Variants in HPSE2 observed in about 807,000 individuals in gnomAD.
HPSE2 encodes the protein inactive heparanase-2.
Under a neutral mutation model 60.5 loss-of-function variants are expected in HPSE2, and 38 were observed. The ratio of observed to expected loss-of-function variants is 0.63; its 90% CI spans 0.48 to 0.82. HPSE2 has a LOEUF of 0.82. Ranked by LOEUF, HPSE2 falls within the 40% of genes least tolerant of loss-of-function variation. HPSE2 has a pLI of 0.00. For missense variants in HPSE2, 713 were observed against 740.4 expected (o/e 0.96, Z 0.43); for synonymous variants, 295 against 293.2 (o/e 1.01, Z -0.06).
At chr10:99,114,350 T>G (rs745950368) in intron 3 of HPSE2, among the ~76,000 whole-genome samples, 1 of 152,252 alleles carries the variant, frequency 6.6e-6, no homozygotes, top group South Asian at 2.1e-4. Flanking sequence ...AGTTTTGATG[T>G]GATGTCATCA....
At chr10:98,477,641 C>T (rs1564906148) in intron 11 of HPSE2, among the ~76,000 whole-genome samples, 1 of 152,168 alleles carries the variant, frequency 6.6e-6, no homozygotes, top group South Asian at 2.1e-4. Context: ...AAAGGTAAGT[C>T]CTTTCGATTT....
chr10:98,965,364 A>G (rs546429300), intron 3 of HPSE2, among the ~76,000 whole-genome samples: 1 of 152,176 alleles, frequency 6.6e-6, no homozygotes, highest in African/African-American at 2.4e-5. Context: ...GTGTGATCTT[A>G]TGAATGTCAA....
chr10:99,169,271 C>T (rs1485079254), intron 2 of HPSE2, among the ~76,000 whole-genome samples: 3 of 149,662 alleles, frequency 2.0e-5, no homozygotes, highest in African/African-American at 4.9e-5. Context: ...TTTAGGAGAC[C>T]GAGGCAGGCG....
intron 6 of HPSE2, among the ~76,000 whole-genome samples, chr10:98,673,409 G>A (rs1231413549): frequency 6.6e-6 from 1 of 152,184 alleles, no homozygotes; most frequent in African/African-American, 2.4e-5. Context: ...ACGCCAGATT[G>A]TTCATCTCCT....
intron 4 of HPSE2, among the ~76,000 whole-genome samples, chr10:98,736,996 G>A (rs1421928043): frequency 1.3e-5 from 2 of 152,136 alleles, no homozygotes; most frequent in Non-Finnish European, 2.9e-5. Flanking sequence ...AAGGTTGAAG[G>A]AGAGAAGCAG....
At chr10:98,528,731 G>A (rs1564942483) in intron 9 of HPSE2, among the ~76,000 whole-genome samples, 1 of 152,216 alleles carries the variant, frequency 6.6e-6, no homozygotes, top group African/African-American at 2.4e-5. Flanking sequence ...CAGCCTTTCC[G>A]AGGGAAGTGC....
chr10:99,174,004 A>C (rs1013170993), intron 2 of HPSE2, among the ~76,000 whole-genome samples: 7 of 151,900 alleles, frequency 4.6e-5, no homozygotes, highest in Non-Finnish European at 1.0e-4. Context: ...TTACAATATT[A>C]ATTATTGTCA....
At chr10:99,039,255 A>G (rs1267556059) in intron 3 of HPSE2, among the ~76,000 whole-genome samples, 1 of 152,122 alleles carries the variant, frequency 6.6e-6, no homozygotes, top group Non-Finnish European at 1.5e-5. Flanking sequence ...GCTCTGCCCA[A>G]ATTTTGGAGT....
chr10:99,014,875 C>T (rs4463788), intron 3 of HPSE2, among the ~76,000 whole-genome samples: 21,113 of 151,944 alleles, frequency 0.14, 1,835 homozygotes, highest in Middle Eastern at 0.23. Context: ...ACCATCAGAG[C>T]GAACAGCCAA....
rs140750092 is a variant in HPSE2, at chr10:98,754,179, T to G, written c.611-10123A>C. Among the ~76,000 whole-genome samples the G allele has an allele frequency of 1.4e-3, 211 of 151,972 alleles. 1 individual carries two copies. The highest frequency in any genetic ancestry group is 0.01 in the Middle Eastern group (3 of 294). On this transcript the variant is annotated intron_variant, in intron 3 of 11. Transcript: ENST00000370552. ...AAAGAACCAAACTGATCTGATAGAG[T>G]TGAAAAACTCACTACAAAAATTTCG...
intron 3 of HPSE2, among the ~76,000 whole-genome samples, chr10:98,899,976 TTTC>T (rs1953619462): frequency 6.6e-6 from 1 of 152,012 alleles, no homozygotes; most frequent in Non-Finnish European, 1.5e-5. Flanking sequence ...AGAGACAGGG[TTTC>T]TTCATGTTGG....
chr10:99,193,497 G>GAA (rs972968661), intron 2 of HPSE2, among the ~76,000 whole-genome samples: 1 of 139,596 alleles, frequency 7.2e-6, no homozygotes. Flanking sequence ...TGAATGGATA[G>GAA]AAAAAAAAAA....
At chr10:99,300,116 G>T in the HPSE2 span, among the ~76,000 whole-genome samples, 4 of 152,000 alleles carry the variant, frequency 2.6e-5, no homozygotes, top group East Asian at 7.8e-4. Context: ...CCATGTCAAG[G>T]AAATGTCATG....
chr10:98,852,046 G>A (rs1055214448), intron 3 of HPSE2, among the ~76,000 whole-genome samples: 6 of 150,356 alleles, frequency 4.0e-5, no homozygotes, highest in African/African-American at 1.2e-4. Context: ...ACAGCAGTTC[G>A]CACATTCATT....
At chr10:98,924,550 C>T (rs1431699005) in intron 3 of HPSE2, 3 of 152,148 alleles carry the variant, frequency 2.0e-5, no homozygotes, top group South Asian at 4.2e-4. Context: ...AATACAAAGT[C>T]CCTCCTATTC....
chr10:99,013,227 AT>A (rs1477235235), intron 3 of HPSE2: 3 of 659,882 alleles, frequency 4.5e-6, no homozygotes, highest in Admixed American at 3.9e-5. Flanking sequence ...AAACTGGGAG[AT>A]TTCTGCTACA....
intron 2 of HPSE2, among the ~76,000 whole-genome samples, chr10:99,222,957 C>T (rs559686069): frequency 2.0e-5 from 3 of 152,230 alleles, no homozygotes; most frequent in South Asian, 2.1e-4. Flanking sequence ...TTAGGGGTTT[C>T]GGAGCCAGAC....
intron 9 of HPSE2, among the ~76,000 whole-genome samples, chr10:98,539,873 C>T (rs1943405474): frequency 6.6e-6 from 1 of 151,680 alleles, no homozygotes; most frequent in Admixed American, 6.6e-5. Context: ...CACCTTTCCT[C>T]CTTCTGTCTT....
intron 11 of HPSE2, among the ~76,000 whole-genome samples, chr10:98,470,088 C>G (rs935102829): frequency 2.1e-5 from 3 of 141,512 alleles, no homozygotes; most frequent in African/African-American, 8.7e-5. Context: ...GGAGTGAAGA[C>G]AGGTAGGAAG....
Sources: allele counts gnomAD v4.1 joint callset (sites outside exome capture counted in the v4.1 genomes callset), GRCh38; gene constraint gnomAD v4.1.1; transcripts MANE v1.5; gene names NCBI Gene and HGNC (gene_info 2026-07-23, HGNC 2026-07-21).